PALM2AKAP2: variants seen among roughly 807,000 people sequenced by gnomAD.
The protein encoded by PALM2AKAP2 is PALM2-AKAP2 fusion protein.
A neutral mutation model predicts 71.5 loss-of-function variants in PALM2AKAP2; 37 were observed. The observed-to-expected ratio is 0.52, with a 90% confidence interval of 0.40 to 0.68. PALM2AKAP2 has a LOEUF of 0.68. Among genes scored for constraint, PALM2AKAP2 ranks in the 30% least tolerant of loss-of-function variants. PALM2AKAP2 has a pLI of 0.00. For missense variants in PALM2AKAP2, 1,224 were observed against 1,191.8 expected (o/e 1.03, Z -0.40); for synonymous variants, 468 against 478.8 (o/e 0.98, Z 0.29).
chr9:109,949,755 C>T (rs1461072153), intron 6 of PALM2AKAP2, among the ~76,000 whole-genome samples: 2 of 152,134 alleles, frequency 1.3e-5, no homozygotes, highest in East Asian at 1.9e-4. Context: ...TGATAGCTCT[C>T]TGGGCTATAC....
chr9:109,736,648 A>C (rs1049433017), intron 1 of PALM2AKAP2, among the ~76,000 whole-genome samples: 3 of 152,010 alleles, frequency 2.0e-5, no homozygotes, highest in Admixed American at 2.0e-4. Flanking sequence ...CAGATTTCTT[A>C]AATGTATCTA....
intron 1 of PALM2AKAP2, among the ~76,000 whole-genome samples, chr9:109,825,901 A>C (rs574016121): frequency 6.6e-6 from 1 of 152,342 alleles, no homozygotes; most frequent in African/African-American, 2.4e-5. Flanking sequence ...GCTGCTATAA[A>C]GACACATGCA....
intron 6 of PALM2AKAP2, among the ~76,000 whole-genome samples, chr9:109,969,684 T>A (rs1469260333): frequency 1.3e-5 from 2 of 152,228 alleles, no homozygotes; most frequent in African/African-American, 4.8e-5. Context: ...GTGTGGCTTC[T>A]GAGCCAAGCT....
At chr9:109,781,900 G>T (rs1177365151) in intron 1 of PALM2AKAP2, among the ~76,000 whole-genome samples, 1 of 152,234 alleles carries the variant, frequency 6.6e-6, no homozygotes, top group African/African-American at 2.4e-5. Context: ...AGCATGGCCA[G>T]TGTGTCATGA....
intron 1 of PALM2AKAP2, among the ~76,000 whole-genome samples, chr9:110,117,907 C>A (rs1835398631): frequency 6.7e-6 from 1 of 149,098 alleles, no homozygotes; most frequent in African/African-American, 2.5e-5. Context: ...AGAGAGAGGG[C>A]AAACTATGTA....
intron 2 of PALM2AKAP2, among the ~76,000 whole-genome samples, chr9:110,151,283 T>C (rs1836308071): frequency 3.3e-5 from 5 of 152,220 alleles, no homozygotes; most frequent in Admixed American, 3.3e-4. Flanking sequence ...ACTCCTGAGC[T>C]CAAGTGATCC....
At chr9:110,040,406 GT>G (rs1833490507) in intron 7 of PALM2AKAP2, among the ~76,000 whole-genome samples, 1 of 152,100 alleles carries the variant, frequency 6.6e-6, no homozygotes, top group Admixed American at 6.6e-5. Context: ...CATTTAATAT[GT>G]TCAGTATACT....
At chr9:110,014,848 A>ATG (rs1832952089) in intron 6 of PALM2AKAP2, among the ~76,000 whole-genome samples, 1 of 133,612 alleles carries the variant, frequency 7.5e-6, no homozygotes, top group Non-Finnish European at 1.6e-5. Context: ...ATATATATAT[A>ATG]TATACACACA....
intron 6 of PALM2AKAP2, among the ~76,000 whole-genome samples, chr9:109,934,185 A>G (rs1831172454): frequency 6.6e-6 from 1 of 152,202 alleles, no homozygotes; most frequent in Non-Finnish European, 1.5e-5. Context: ...TTAACATAGC[A>G]GCCCTGTGAA....
intron 1 of PALM2AKAP2, among the ~76,000 whole-genome samples, chr9:109,860,076 T>G (rs1322617226): frequency 6.6e-6 from 1 of 152,112 alleles, no homozygotes; most frequent in Non-Finnish European, 1.5e-5. Context: ...GAGAGTGAGT[T>G]TTAATATCTG....
exon 4 of PALM2AKAP2, chr9:110,170,564 A>G (rs1836837330): frequency 6.6e-6 from 1 of 152,228 alleles, no homozygotes; most frequent in African/African-American, 2.4e-5. Context: ...GGCAGCCCAA[A>G]TAGCACATGG....
At chr9:110,086,567 G>A (rs913954621) in intron 1 of PALM2AKAP2, among the ~76,000 whole-genome samples, 1 of 152,168 alleles carries the variant, frequency 6.6e-6, no homozygotes, top group Non-Finnish European at 1.5e-5. Context: ...GTACCTGTGG[G>A]CATTGGGCTC....
chr9:109,888,330 A>AACT, intron 3 of PALM2AKAP2, among the ~76,000 whole-genome samples: 1 of 152,270 alleles, frequency 6.6e-6, no homozygotes, highest in South Asian at 2.1e-4. Flanking sequence ...CATTGGGGAA[A>AACT]ACTATACCCA....
chr9:109,902,628 G>A (rs939021871), intron 3 of PALM2AKAP2, among the ~76,000 whole-genome samples: 1 of 152,228 alleles, frequency 6.6e-6, no homozygotes, highest in Non-Finnish European at 1.5e-5. Flanking sequence ...GCGTTGAAAG[G>A]TGGAATGCAT....
chr9:109,718,884 A>T (rs549628245), intron 1 of PALM2AKAP2, among the ~76,000 whole-genome samples: 1 of 152,094 alleles, frequency 6.6e-6, no homozygotes, highest in African/African-American at 2.4e-5. Flanking sequence ...TTCTTATTTG[A>T]TTTTTGTATT....
intron 7 of PALM2AKAP2, among the ~76,000 whole-genome samples, chr9:110,033,460 CTG>C (rs1481657151): frequency 5.3e-5 from 8 of 152,184 alleles, no homozygotes; most frequent in Non-Finnish European, 1.0e-4. Context: ...GGGCTAGGCA[CTG>C]TGTTAAACAC....
chr9:110,040,788 G>A (rs573704000), intron 7 of PALM2AKAP2, among the ~76,000 whole-genome samples: 20 of 152,282 alleles, frequency 1.3e-4, no homozygotes, highest in African/African-American at 3.9e-4. Flanking sequence ...GAAGAAATTC[G>A]CTTGGTTGAC....
At chr9:109,668,681 C>T (rs1564107136) in intron 1 of PALM2AKAP2, among the ~76,000 whole-genome samples, 1 of 152,214 alleles carries the variant, frequency 6.6e-6, no homozygotes, top group Non-Finnish European at 1.5e-5. Flanking sequence ...AGCCAACCAA[C>T]ACTATCAAGA....
At chr9:109,828,830 A>G (rs545902293) in intron 1 of PALM2AKAP2, among the ~76,000 whole-genome samples, 11 of 152,284 alleles carry the variant, frequency 7.2e-5, no homozygotes, top group Non-Finnish European at 1.6e-4. Flanking sequence ...CGTGGATCTC[A>G]TAATGAAAGG....
Sources: allele counts gnomAD v4.1 joint callset (sites outside exome capture counted in the v4.1 genomes callset), GRCh38; gene constraint gnomAD v4.1.1; transcripts MANE v1.5; gene names NCBI Gene and HGNC (gene_info 2026-07-23, HGNC 2026-07-21).